Variants in ARAP2 observed in about 807,000 individuals in gnomAD.
ARAP2 encodes the protein arf-GAP with Rho-GAP domain, ANK repeat and PH domain-containing protein 2.
In ARAP2, 148 loss-of-function variants were observed where a neutral mutation model predicts 194.5. The ratio of observed to expected loss-of-function variants is 0.76; its 90% confidence interval spans 0.67 to 0.87. The LOEUF is 0.87. ARAP2 is among the 40% of genes least tolerant of loss of function. ARAP2 has a pLI of 0.00. For synonymous variants in ARAP2, 695 were observed against 683.5 expected, an observed-to-expected ratio of 1.02 and a Z score of -0.26; for missense variants, 2,128 against 1,989.7, an observed-to-expected ratio of 1.07 and a Z score of -1.32.
chr4:36,097,296 CT>C (rs893406119), intron 27 of ARAP2, among the ~76,000 whole-genome samples: 1 of 151,790 alleles, frequency 6.6e-6, no homozygotes, highest in African/African-American at 2.4e-5. Flanking sequence ...GCAAAAAAAA[CT>C]TTGAAATATG....
chr4:36,170,796 A>G (rs1213816893), intron 9 of ARAP2, among the ~76,000 whole-genome samples: 1 of 152,180 alleles, frequency 6.6e-6, no homozygotes, highest in East Asian at 1.9e-4. Context: ...AGTCCTGGCA[A>G]AGCAAAGCAG....
In ARAP2 at chr4:36,214,437, A is replaced by C. The variant is rs750970613; in HGVS notation, c.949T>G (p.Ser317Ala). Residue 317 changes from serine (S) to alanine (A), a missense_variant, in exon 3 of 33, where the codon TCT becomes GCT. Ser to Ala is a moderately conservative substitution (Grantham distance 99). Transcript: ENST00000303965. Reference sequence around the variant, plus strand: ...ATAGACTCACTTTGCCATGCCACAGATTTTTCAGTTGAGGTAGCAACATTT... The same window carrying C: ...ATAGACTCACTTTGCCATGCCACAGCTTTTTCAGTTGAGGTAGCAACATTT... ...RRNVATSTEK[S>A]VAWQNSNEEN... 1.9e-6 allele frequency: 3 copies of C among 1,594,892 alleles called. No individual in the cohort carries two copies. The highest frequency in any genetic ancestry group is 2.6e-6 in the Non-Finnish European group (3 of 1,168,672).
intron 31 of ARAP2, 52 bp downstream of exon 31, chr4:36,080,164 C>T: frequency 6.8e-7 from 1 of 1,466,836 alleles, no homozygotes; most frequent in Admixed American, 1.8e-5. Context: ...ACTAACATTT[C>T]CTGTAAACAA....
chr4:36,102,532 A>G (rs1717236019), intron 27 of ARAP2, among the ~76,000 whole-genome samples: 1 of 152,040 alleles, frequency 6.6e-6, no homozygotes, highest in African/African-American at 2.4e-5. Flanking sequence ...TTGTTAAAGA[A>G]GGATAGCATG....
At chr4:36,222,944 A>C (rs1411790266) in intron 2 of ARAP2, among the ~76,000 whole-genome samples, 1 of 152,202 alleles carries the variant, frequency 6.6e-6, no homozygotes, top group South Asian at 2.1e-4. Context: ...TCTTCCTCAT[A>C]AATTCCCTGA....
intron 5 of ARAP2, among the ~76,000 whole-genome samples, chr4:36,022,168 GATGC>G (rs1717068389): frequency 6.6e-6 from 1 of 152,166 alleles, no homozygotes; most frequent in South Asian, 2.1e-4. Context: ...ATAATTATGT[GATGC>G]ATGACTATAG....
chr4:36,085,610 G>A (rs1047239046), intron 28 of ARAP2, among the ~76,000 whole-genome samples: 1 of 151,998 alleles, frequency 6.6e-6, no homozygotes, highest in African/African-American at 2.4e-5. Flanking sequence ...TATCTTAATA[G>A]TTGGATGGCA....
chr4:36,184,449 A>G (rs1426018994), intron 8 of ARAP2, among the ~76,000 whole-genome samples: 1 of 152,182 alleles, frequency 6.6e-6, no homozygotes, highest in East Asian at 1.9e-4. Context: ...TTAAAGACCT[A>G]CAACTTATTT....
At chr4:36,222,013 T>C (rs1370141321) in intron 2 of ARAP2, among the ~76,000 whole-genome samples, 1 of 152,168 alleles carries the variant, frequency 6.6e-6, no homozygotes, top group East Asian at 1.9e-4. Flanking sequence ...GTCTTTCTTT[T>C]CTACTATTTT....
At chr4:36,014,635 A>C (rs991529177) in intron 8 of ARAP2, among the ~76,000 whole-genome samples, 4 of 152,212 alleles carry the variant, frequency 2.6e-5, no homozygotes, top group African/African-American at 9.6e-5. Flanking sequence ...AGCAAGAACC[A>C]GGTAACAAAT....
intron 25 of ARAP2, among the ~76,000 whole-genome samples, chr4:36,115,026 C>T (rs1345439060): frequency 3.3e-5 from 5 of 151,978 alleles, no homozygotes; most frequent in Admixed American, 3.3e-4. Context: ...ATGTTTTAAA[C>T]ATTATAATAC....
In ARAP2 at chr4:36,133,228, T is replaced by C. The variant is rs761844159; in HGVS notation, c.3425A>G (p.Tyr1142Cys). 1.2e-6 allele frequency: 2 copies of C among 1,610,130 alleles called. No homozygotes were observed. The highest frequency in any genetic ancestry group is 1.3e-5 in the African/African-American group (1 of 74,784). Residue 1142 changes from tyrosine (Y) to cysteine (C), a missense_variant and splice_region_variant, in exon 20 of 33, where the codon TAT becomes TGT. Tyr to Cys is a radical substitution (Grantham distance 194). Transcript: ENST00000303965. ...AATAAAAACTCAGTGATACTTACCATACTGTGTAACAAATGCTATACAGCT... is the reference window on the plus strand; with the variant it reads ...AATAAAAACTCAGTGATACTTACCACACTGTGTAACAAATGCTATACAGCT... ...VNSCIAFVTQ[Y>C]GLGCKYIYQK...
chr4:36,149,256 A>T (rs992596461), intron 16 of ARAP2, among the ~76,000 whole-genome samples: 56 of 152,090 alleles, frequency 3.7e-4, no homozygotes, highest in African/African-American at 1.2e-3. Context: ...TCTCATCACA[A>T]CAAGCTCAAA....
At chr4:36,192,900 G>C (rs1742247937) in intron 7 of ARAP2, among the ~76,000 whole-genome samples, 2 of 152,170 alleles carry the variant, frequency 1.3e-5, no homozygotes, top group South Asian at 4.1e-4. Flanking sequence ...GGAGGCTGAG[G>C]CAGGAGAATC....
At chr4:36,023,073 A>G (rs1232326505) in intron 5 of ARAP2, among the ~76,000 whole-genome samples, 2 of 152,190 alleles carry the variant, frequency 1.3e-5, no homozygotes, top group Non-Finnish European at 2.9e-5. Flanking sequence ...CTACCAAGGC[A>G]TTCTCCATTA....
intron 6 of ARAP2, among the ~76,000 whole-genome samples, chr4:36,195,167 C>CAA (rs11379966): frequency 2.6e-5 from 4 of 151,894 alleles, no homozygotes; most frequent in African/African-American, 4.8e-5. Flanking sequence ...AGCCCCATCT[C>CAA]AAAAAAATTA....
At chr4:36,089,968 A>G (rs1347957770) in intron 28 of ARAP2, among the ~76,000 whole-genome samples, 1 of 151,996 alleles carries the variant, frequency 6.6e-6, no homozygotes, top group African/African-American at 2.4e-5. Context: ...TATTATTATT[A>G]CATTATATTT....
chr4:36,193,759 T>C (rs1469779942), intron 6 of ARAP2, 112 bp from the exon 7 acceptor site: 5 of 760,744 alleles, frequency 6.6e-6, no homozygotes, highest in African/African-American at 3.6e-5. Flanking sequence ...TTAAACACCA[T>C]AGACAACAAT....
chr4:36,185,313 T>A (rs149982202), intron 8 of ARAP2, among the ~76,000 whole-genome samples: 1 of 152,308 alleles, frequency 6.6e-6, no homozygotes, highest in African/African-American at 2.4e-5. Flanking sequence ...CATAGATAGG[T>A]TTCACAATAT....
Sources: allele counts gnomAD v4.1 joint callset (sites outside exome capture counted in the v4.1 genomes callset), GRCh38; gene constraint gnomAD v4.1.1; transcripts MANE v1.5; gene names NCBI Gene and HGNC (gene_info 2026-07-23, HGNC 2026-07-21).